Variants in EIF4A3 observed in about 807,000 individuals in gnomAD.
EIF4A3 encodes the protein eukaryotic initiation factor 4A-III.
EIF4A3 carries 1 observed loss-of-function variant against 55.6 expected under a neutral mutation model. The observed-to-expected ratio is 0.02, with a 90% CI of 0.01 to 0.09. The LOEUF (loss-of-function observed/expected upper bound fraction) is 0.09. Ranked by LOEUF, EIF4A3 falls within the 10% of genes least tolerant of loss-of-function variation. EIF4A3 has a pLI of 1.00. For missense variants in EIF4A3, 221 were observed against 540.7 expected, an observed-to-expected ratio of 0.41 and a Z score of 5.86; for synonymous variants, 194 against 196.3, an observed-to-expected ratio of 0.99 and a Z score of 0.10.
intron 2 of EIF4A3, among the ~76,000 whole-genome samples, chr17:80,142,473 G>A (rs985426760): frequency 2.0e-5 from 3 of 152,134 alleles, no homozygotes; most frequent in Non-Finnish European, 2.9e-5. Flanking sequence ...ATGTCACGGC[G>A]TGGTGGCTCA....
chr17:80,140,124 C>G lies in EIF4A3; in HGVS notation c.389G>C (p.Gly130Ala). The change falls in exon 5 of 12, where the codon GGT (glycine) becomes GCT (alanine). Residue 130 changes from glycine (G) to alanine (A), a missense_variant. Gly to Ala is a moderately conservative substitution (Grantham distance 60). Around this residue, in one of 4 missense-constraint regions of EIF4A3, gnomAD observed 85 missense variants for 205.8 expected, o/e 0.41. Transcript: ENST00000649764. ...ATGGCACTGGACATTCATGTAGTCACCGAGAGCAAGCAGCCCCTGAAACAA... is the reference window on the plus strand; with the variant it reads ...ATGGCACTGGACATTCATGTAGTCAGCGAGAGCAAGCAGCCCCTGAAACAA... ...VQIQKGLLAL[G>A]DYMNVQCHAC... The G allele has an allele frequency of 6.2e-7, 1 of 1,603,022 alleles. No individual in the cohort carries two copies. Among genetic ancestry groups the G allele is most frequent in the Non-Finnish European group, 8.5e-7 (1 of 1,174,196 alleles).
chr17:80,137,316 G>A (rs1480912814), intron 9 of EIF4A3, 70 bp downstream of exon 9: 21 of 1,353,500 alleles, frequency 1.6e-5, no homozygotes, highest in African/African-American at 2.9e-5. Flanking sequence ...GCACTTAGGC[G>A]GTACATATGA....
Position 80,134,392 on chromosome 17 carries a change from T to TTAA in EIF4A3, c.*1095_*1097dup, listed in dbSNP as rs1450912549. 2.0e-5 allele frequency among the ~76,000 whole-genome samples: 3 copies of TTAA among 152,144 alleles called. No individual in the cohort carries two copies. In the East Asian group the frequency reaches 5.8e-4, roughly 29 times the overall value. Reference sequence around the variant, plus strand: ...TATTTCAACAGATAACTTAAATACTTTAATAATTTAAATATTTAAACAGAT... The same window carrying TTAA: ...TATTTCAACAGATAACTTAAATACTTTAATAATAATTTAAATATTTAAACAGAT... On this transcript the variant is annotated 3_prime_UTR_variant, in exon 12 of 12. Transcript: ENST00000649764.
chr17:80,141,998 C>A, intron 2 of EIF4A3, 150 bp from the exon 3 acceptor site: 1 of 579,470 alleles, frequency 1.7e-6, no homozygotes, highest in Non-Finnish European at 3.1e-6. Flanking sequence ...AGGCAGGACT[C>A]GGGCCCAGTG....
chr17:80,135,520 AAG>A lies in EIF4A3; in HGVS notation c.1220-16_1220-15del, dbSNP rs774555369. The A allele has an allele frequency of 1.7e-5, 26 of 1,553,802 alleles. No individual in the cohort carries two copies. Among genetic ancestry groups the A allele is most frequent in the Non-Finnish European group, 1.9e-5 (22 of 1,147,656 alleles). On this transcript the variant is annotated splice_polypyrimidine_tract_variant and intron_variant, in intron 11 of 11. Coordinates refer to ENST00000649764, the MANE Select transcript of EIF4A3 (RefSeq NM_014740.4). ...TAAGATCAGCAACTGAAAGTGAAGA[AAG>A]AAACAGATTAAGGAACAACACAAAC...
At chr17:80,137,525 T>C (rs973141968) in intron 8 of EIF4A3, 24 bp from the exon 9 acceptor site, 1 of 1,591,322 alleles carries the variant, frequency 6.3e-7, no homozygotes, top group African/African-American at 1.3e-5. Flanking sequence ...CAACAGATGC[T>C]ACTGCAAGCT....
intron 9 of EIF4A3, 145 bp from the exon 10 acceptor site, chr17:80,136,480 G>A (rs1009566175): frequency 3.2e-5 from 21 of 660,368 alleles, no homozygotes; most frequent in Admixed American, 1.4e-4. Flanking sequence ...GTCTGCAAAC[G>A]TGAAGCCTCA....
At position 80,135,463 on chromosome 17, in the gene EIF4A3, T is replaced by C; in HGVS notation, c.*27A>G. The C allele has an allele frequency of 6.4e-7, 1 of 1,553,032 alleles. No individual in the cohort carries two copies. The highest frequency in any genetic ancestry group is 1.4e-5 in the African/African-American group (1 of 73,208). ...ACAGGAGTACACAGCAGGTGAACAG[T>C]CTCCCTCATCCCACTGATCTGCTGC... On this transcript the variant is annotated 3_prime_UTR_variant, in exon 12 of 12. Transcript: ENST00000649764.
At chr17:80,137,339 C>T in intron 9 of EIF4A3, 47 bp downstream of exon 9, 1 of 1,547,650 alleles carries the variant, frequency 6.5e-7, no homozygotes. Context: ...TGCTTAGACA[C>T]AGTCTAGCAA....
chr17:80,140,276 T>G, intron 4 of EIF4A3, 136 bp from the exon 5 acceptor site: 6 of 1,016,132 alleles, frequency 5.9e-6, no homozygotes, highest in Non-Finnish European at 7.9e-6. Context: ...CACAAAATTC[T>G]CCTGCTCTTT....
At chr17:80,144,136 A>T in intron 2 of EIF4A3, 36 bp downstream of exon 2, 1 of 1,608,198 alleles carries the variant, frequency 6.2e-7, no homozygotes, top group Non-Finnish European at 8.5e-7. Context: ...GCCCAAATTT[A>T]CATCCAGCCC....
intron 4 of EIF4A3, among the ~76,000 whole-genome samples, 190 bp downstream of exon 4, chr17:80,141,129 C>G (rs967176288): frequency 6.6e-6 from 1 of 151,908 alleles, no homozygotes. Flanking sequence ...CGAGAGCACA[C>G]AAGCCACACC....
chr17:80,146,399 C>T (rs1567851844), intron 1 of EIF4A3, among the ~76,000 whole-genome samples: 1 of 152,210 alleles, frequency 6.6e-6, no homozygotes, highest in African/African-American at 2.4e-5. Context: ...GGCAACCTGA[C>T]AGTATGCTTT....
chr17:80,141,738 T>G (rs2039620796), intron 3 of EIF4A3, 44 bp downstream of exon 3: 1 of 1,563,174 alleles, frequency 6.4e-7, no homozygotes, highest in Admixed American at 1.7e-5. Flanking sequence ...AAGCAAGTAT[T>G]TCCTAGAATT....
intron 2 of EIF4A3, among the ~76,000 whole-genome samples, chr17:80,142,954 G>A (rs928004830): frequency 1.3e-4 from 20 of 152,162 alleles, no homozygotes; most frequent in African/African-American, 4.3e-4. Flanking sequence ...TGGGAGGATC[G>A]CTTGAGGCTG....
At chr17:80,140,270 A>G (rs1354302496) in intron 4 of EIF4A3, 130 bp from the exon 5 acceptor site, 1 of 1,170,384 alleles carries the variant, frequency 8.5e-7, no homozygotes, top group Non-Finnish European at 1.1e-6. Context: ...CGAAACCACA[A>G]AATTCTCCTG....
intron 4 of EIF4A3, among the ~76,000 whole-genome samples, chr17:80,140,829 T>C (rs1318740665): frequency 6.6e-6 from 1 of 151,928 alleles, no homozygotes; most frequent in African/African-American, 2.4e-5. Context: ...AGAGTTTCAC[T>C]CTTCTTGCCC....
rs1417113177 is a variant in EIF4A3, at chr17:80,134,470, T to C, written c.*1020A>G. On this transcript the variant is annotated 3_prime_UTR_variant, in exon 12 of 12. Coordinates refer to ENST00000649764, the MANE Select transcript of EIF4A3 (RefSeq NM_014740.4). The stretch of plus-strand genomic sequence containing the variant: ...GTGGTAAGTCATGATCCTGCCACTA[T>C]ACTCCTGCCTGGGCGACAGGGAGAT... Among the ~76,000 whole-genome samples, 1 of 152,066 alleles carries C rather than the reference T, an allele frequency of 6.6e-6. No individual in the cohort carries two copies. The highest frequency in any genetic ancestry group is 1.5e-5 in the Non-Finnish European group (1 of 68,024).
chr17:80,146,766 TG>T (rs1567852009), intron 1 of EIF4A3, 26 bp downstream of exon 1: 2 of 1,598,196 alleles, frequency 1.3e-6, no homozygotes, highest in East Asian at 4.5e-5. Flanking sequence ...CGCCCCCGGC[TG>T]GCCCCCGCGG....
Sources: gnomAD v4.1 joint callset for allele counts (sites outside exome capture counted in the v4.1 genomes callset) on GRCh38, gnomAD v4.1.1 for gene constraint, gnomAD v4.1.1 regional missense constraint, MANE v1.5 for transcripts, NCBI Gene and HGNC (gene_info 2026-07-23, HGNC 2026-07-21) for gene names.